The following PRKD2 variants were observed in gnomAD, a reference collection of about 807,000 sequenced individuals.
The protein encoded by PRKD2 is serine/threonine-protein kinase D2.
A neutral mutation model predicts 86.0 loss-of-function variants in PRKD2; 22 were observed. That is an observed-to-expected ratio of 0.26 (90% CI 0.18 to 0.37). The LOEUF is 0.37. Among genes scored for constraint, PRKD2 ranks in the 10% least tolerant of loss-of-function variants. The pLI, the probability that PRKD2 is intolerant of heterozygous loss-of-function variation, is 1.00. For synonymous variants in PRKD2, 509 were observed against 510.9 expected (o/e 1.00, Z 0.05); for missense variants, 818 against 1,199.2 (o/e 0.68, Z 4.70).
intron 3 of PRKD2, among the ~76,000 whole-genome samples, chr19:46,706,780 G>A (rs1371114312): frequency 1.3e-5 from 2 of 152,064 alleles, no homozygotes; most frequent in African/African-American, 2.4e-5. Context: ...ATATTTATAA[G>A]AGCTTTTAAT....
At position 46,693,845 on chromosome 19, in the gene PRKD2, C is replaced by T; in HGVS notation, c.1576+30G>A. 6.4e-7 allele frequency: 1 copy of T among 1,563,854 alleles called. No individual in the cohort carries two copies. Among genetic ancestry groups the T allele is most frequent in the Non-Finnish European group, 8.6e-7 (1 of 1,156,696 alleles). ...CGTGCCCCACCCATCTAGATCTATTCTCTCAAGGACCCGAGGTGGGAGGAC... is the reference window on the plus strand; with the variant it reads ...CGTGCCCCACCCATCTAGATCTATTTTCTCAAGGACCCGAGGTGGGAGGAC... On this transcript the variant is annotated intron_variant, in intron 10 of 17. Transcript: ENST00000291281. The surrounding 1 kb of genome is among the most constrained non-coding windows in gnomAD (Gnocchi z 4.5).
At chr19:46,676,432 A>C (rs911573422) in intron 16 of PRKD2, among the ~76,000 whole-genome samples, 4 of 152,136 alleles carry the variant, frequency 2.6e-5, no homozygotes, top group Non-Finnish European at 1.5e-5. Flanking sequence ...TCTCAAAACA[A>C]AACAAAACAA....
chr19:46,687,777 C>T (rs569913027), intron 14 of PRKD2, among the ~76,000 whole-genome samples: 1 of 152,282 alleles, frequency 6.6e-6, no homozygotes, highest in South Asian at 2.1e-4. Flanking sequence ...TCAACACTGA[C>T]CAGCAAGGGA....
chr19:46,676,423 C>T (rs1275073521), intron 16 of PRKD2, among the ~76,000 whole-genome samples: 1 of 151,726 alleles, frequency 6.6e-6, no homozygotes, highest in Non-Finnish European at 1.5e-5. Context: ...GAAACTCCGT[C>T]TCAAAACAAA....
At chr19:46,703,504 G>C (rs910395296) in intron 5 of PRKD2, among the ~76,000 whole-genome samples, 11 of 151,864 alleles carry the variant, frequency 7.2e-5, no homozygotes, top group African/African-American at 2.4e-4. Flanking sequence ...AGGCGCGGTG[G>C]CTCACGCCTG....
chr19:46,710,995 G>A lies in PRKD2; in HGVS notation c.423C>T (p.Leu141=), dbSNP rs539450090. 2 of 1,580,036 alleles carry A rather than the reference G, an allele frequency of 1.3e-6. No individual in the cohort carries two copies. The highest frequency in any genetic ancestry group is 2.3e-5 in the East Asian group (1 of 43,168). ...FEDFQIRPHA[L]TVHSYRAPAF... ...CAGGCGCCCGATAGGAGTGCACCGTGAGGGCGTGCGGGCGGATCTGGAAGT... is the reference window on the plus strand; with the variant it reads ...CAGGCGCCCGATAGGAGTGCACCGTAAGGGCGTGCGGGCGGATCTGGAAGT... Residue 141 remains leucine (L), a synonymous_variant, in exon 3 of 18, where the codon CTC becomes CTT. Transcript: ENST00000291281.
At chr19:46,689,440 TC>T in intron 14 of PRKD2, 96 bp downstream of exon 14, 4 of 1,365,648 alleles carry the variant, frequency 2.9e-6, no homozygotes, top group Non-Finnish European at 4.0e-6. Flanking sequence ...CTATTGTGAC[TC>T]CCCCAAGTGT....
At position 46,708,555 on chromosome 19, in the gene PRKD2, G is replaced by A. The variant is rs184879803; in HGVS notation, c.511+2352C>T. 2.7e-3 allele frequency among the ~76,000 whole-genome samples: 415 copies of A among 151,706 alleles called. 5 individuals carry two copies. The highest frequency in any genetic ancestry group is 9.4e-3 in the African/African-American group (388 of 41,366). On this transcript the variant is annotated intron_variant, in intron 3 of 17. Coordinates refer to ENST00000291281, the MANE Select transcript of PRKD2 (RefSeq NM_016457.5). ...TGGTCTCGAACTCCTGGACTCAAGC[G>A]ATCCACCATCCTCCCAAAGTGCTGG...
At chr19:46,698,539 T>C (rs568997599) in intron 7 of PRKD2, among the ~76,000 whole-genome samples, 25 of 152,336 alleles carry the variant, frequency 1.6e-4, no homozygotes, top group African/African-American at 5.3e-4. Flanking sequence ...TAAGTGCTAA[T>C]TGGTATTTAG....
chr19:46,711,759 C>T (rs890617989), intron 2 of PRKD2, among the ~76,000 whole-genome samples: 1 of 152,090 alleles, frequency 6.6e-6, no homozygotes, highest in Admixed American at 6.5e-5. Flanking sequence ...AAAATACCAC[C>T]ACCAACAACA....
chr19:46,681,597 C>CCCCCCCCCCA, intron 15 of PRKD2, 53 bp downstream of exon 15: 1 of 961,012 alleles, frequency 1.0e-6, no homozygotes, highest in Non-Finnish European at 1.6e-6. Flanking sequence ...CACCCCCACC[C>CCCCCCCCCCA]CGGCCATCAG....
rs556140156 is a variant in PRKD2 at position 46,681,674 on chromosome 19, C to G, written c.2046G>C (p.Leu682=). ...HCDLKPENVL[L]ASADPFPQVK... ...CCTGAGGAAATGGGTCTGCTGATGC[C>G]AGCAACACGTTTTCTGGTTTCAAGT... is the stretch of plus-strand genomic sequence containing the variant. The change falls in exon 15 of 18, where the codon CTG becomes CTC. Residue 682 remains leucine (L), a synonymous_variant. Transcript: ENST00000291281. 1 of 1,605,962 alleles carries G rather than the reference C, an allele frequency of 6.2e-7. No homozygotes were observed. The highest frequency in any genetic ancestry group is 1.7e-5 in the Admixed American group (1 of 59,408).
At position 46,697,420 on chromosome 19, in the gene PRKD2, C is replaced by T. The variant is rs561895052; in HGVS notation, c.1240-186G>A. The T allele has an allele frequency of 3.5e-4, 206 of 596,616 alleles. 3 individuals carry two copies. The highest frequency in any genetic ancestry group is 3.2e-3 in the South Asian group (161 of 49,634). The allele number at this position is 596,616 out of a possible 1,614,324, so 37.0% of individuals were successfully genotyped here. On this transcript the variant is annotated intron_variant, in intron 8 of 17. Transcript: ENST00000291281. ...CCCAGCCCCGCCCCTAGCCTTAACCCTAGCCCAGCCCCCACGCCCTAACCC... is the reference window on the plus strand; with the variant it reads ...CCCAGCCCCGCCCCTAGCCTTAACCTTAGCCCAGCCCCCACGCCCTAACCC...
chr19:46,707,869 G>A lies in PRKD2; in HGVS notation c.511+3038C>T, dbSNP rs377017304. 2.6e-5 allele frequency among the ~76,000 whole-genome samples: 4 copies of A among 152,226 alleles called. No individual in the cohort carries two copies. The East Asian group carries it at 5.8e-4, about 22-fold the overall frequency. ...CCCAGCACTGTGGGAGGGCAAGGCG[G>A]GTGGATCATTTGAGGTCAGGAGTTC... On this transcript the variant is annotated intron_variant, in intron 3 of 17. Coordinates refer to ENST00000291281, the MANE Select transcript of PRKD2 (RefSeq NM_016457.5).
In PRKD2 at chr19:46,716,108, A is replaced by T; in HGVS notation, c.240+23T>A. 1 of 1,606,044 alleles carries T rather than the reference A, an allele frequency of 6.2e-7. No individual in the cohort carries two copies. Among genetic ancestry groups the T allele is most frequent in the South Asian group, 1.1e-5 (1 of 90,806 alleles). Reference sequence around the variant, plus strand: ...CTCCTTCAACCTCTCCCCGAGCTGGATCCAGGGAGCCTGCGCCCTCACCTT... The same window carrying T: ...CTCCTTCAACCTCTCCCCGAGCTGGTTCCAGGGAGCCTGCGCCCTCACCTT... On this transcript the variant is annotated intron_variant, in intron 1 of 17. Coordinates refer to ENST00000291281, the MANE Select transcript of PRKD2 (RefSeq NM_016457.5). This position sits in a 1 kb window ranked among gnomAD's most constrained non-coding sequence, Gnocchi z 7.9.
chr19:46,713,583 T>C (rs1297054923), intron 2 of PRKD2, among the ~76,000 whole-genome samples: 2 of 151,942 alleles, frequency 1.3e-5, no homozygotes, highest in Non-Finnish European at 2.9e-5. Flanking sequence ...GACCCCACTC[T>C]GTAACCATCT....
Position 46,675,077 on chromosome 19 carries a change from T to G in PRKD2, c.2380A>C (p.Lys794Gln). 1 of 1,611,910 alleles carries G rather than the reference T, an allele frequency of 6.2e-7. No individual in the cohort carries two copies. The highest frequency in any genetic ancestry group is 8.5e-7 in the Non-Finnish European group (1 of 1,178,912). Residue 794 changes from lysine to glutamine, a missense_variant, in exon 17 of 18, where the codon AAA becomes CAA. Coordinates refer to ENST00000291281, the MANE Select transcript of PRKD2 (RefSeq NM_016457.5). ...AGAGATTTGTCCACGCTGTAGCGTTTGCGCATCTTCACCTGCAGCAGGTTG... is the reference window on the plus strand; with the variant it reads ...AGAGATTTGTCCACGCTGTAGCGTTGGCGCATCTTCACCTGCAGCAGGTTG... ...INNLLQVKMR[K>Q]RYSVDKSLSH...
chr19:46,715,692 T>C (rs1653427656), intron 1 of PRKD2, among the ~76,000 whole-genome samples: 1 of 151,576 alleles, frequency 6.6e-6, no homozygotes, highest in Admixed American at 6.6e-5. Context: ...CACTTGCCCC[T>C]GGCAGCTAAC....
intron 14 of PRKD2, among the ~76,000 whole-genome samples, chr19:46,684,379 C>T (rs1018081913): frequency 5.9e-5 from 9 of 152,094 alleles, no homozygotes; most frequent in African/African-American, 2.2e-4. Context: ...TGGAGTGCAA[C>T]GGCATGACCT....
Sources: gnomAD v4.1 joint callset for allele counts (sites outside exome capture counted in the v4.1 genomes callset) on GRCh38, gnomAD v4.1.1 for gene constraint, Gnocchi (gnomAD v3.1) non-coding constraint, MANE v1.5 for transcripts, NCBI Gene and HGNC (gene_info 2026-07-23, HGNC 2026-07-21) for gene names.